The following SCML4 variants were observed in gnomAD, a reference collection of about 807,000 sequenced individuals.
SCML4 encodes sex comb on midleg-like protein 4.
SCML4 carries 34 observed loss-of-function variants against 41.1 expected under a neutral mutation model. That is an observed-to-expected ratio of 0.83 (90% confidence interval 0.63 to 1.10). The LOEUF (loss-of-function observed/expected upper bound fraction) is 1.10, where lower values mean the gene tolerates loss of function less well. SCML4 is among the 50% of genes least tolerant of loss of function. The probability of loss-of-function intolerance (pLI) is 0.00; values close to 1 mark genes in which losing one functional copy is unlikely to be tolerated. For missense variants in SCML4, 522 were observed against 534.1 expected (o/e 0.98, Z 0.22); for synonymous variants, 214 against 220.9 (o/e 0.97, Z 0.28).
intron 6 of SCML4, among the ~76,000 whole-genome samples, chr6:107,714,425 A>T (rs1774545862): frequency 6.6e-6 from 1 of 151,690 alleles, no homozygotes; most frequent in African/African-American, 2.4e-5. Context: ...GCCTTTCCAG[A>T]CTCCGAAGGG....
chr6:107,788,848 T>C (rs1463360123), intron 1 of SCML4, among the ~76,000 whole-genome samples: 1 of 152,186 alleles, frequency 6.6e-6, no homozygotes, highest in Non-Finnish European at 1.5e-5. Flanking sequence ...GAAAGTAAAA[T>C]GTCACCAGGT....
chr6:107,774,269 C>A (rs1331779009), intron 1 of SCML4, among the ~76,000 whole-genome samples: 1 of 151,874 alleles, frequency 6.6e-6, no homozygotes. Flanking sequence ...TCAGGGTGCA[C>A]CCTACAGTGT....
Position 107,751,583 on chromosome 6 carries a change from T to C in SCML4, c.157-1770A>G, listed in dbSNP as rs145841983. ...CTAACATTTTAACAATCTTTCTTTC[T>C]TTCTTTCTTTCTTTCTTTCTTTCTT... On this transcript the variant is annotated intron_variant, in intron 2 of 7. Coordinates refer to ENST00000369020, the MANE Select transcript of SCML4 (RefSeq NM_198081.5). Among the ~76,000 whole-genome samples, 345 of 103,142 alleles carry C rather than the reference T, an allele frequency of 3.3e-3. 3 individuals carry two copies. The East Asian group carries it at 0.045, about 13-fold the overall frequency. The allele number at this position is 103,142 out of a possible 152,430, so 67.7% of individuals were successfully genotyped here. A position where few individuals can be genotyped will look rare whatever the true frequency, so the allele number is the denominator to read the frequency against.
intron 2 of SCML4, among the ~76,000 whole-genome samples, chr6:107,763,649 A>G (rs1779798414): frequency 1.3e-5 from 2 of 152,136 alleles, no homozygotes; most frequent in Admixed American, 6.5e-5. Flanking sequence ...TGCCTCCCAA[A>G]ATGCCGGGGC....
chr6:107,843,972 A>G, the SCML4 span, among the ~76,000 whole-genome samples: 5 of 152,312 alleles, frequency 3.3e-5, 1 homozygote, highest in Middle Eastern at 0.01. Flanking sequence ...CAAAGCAAAA[A>G]CAATGGGGAA....
In SCML4 at chr6:107,784,945, G is replaced by A. The variant is rs561598617; in HGVS notation, c.-59-12559C>T. On this transcript the variant is annotated intron_variant, in intron 1 of 7. Transcript: ENST00000369020. ...TATGGCACATGAGGCATAGTACCAG[G>A]TGCTAGTGGACATGACCCTGGACTT... Among the ~76,000 whole-genome samples the A allele has an allele frequency of 2.2e-4, 33 of 152,280 alleles. 1 individual carries two copies. The South Asian group carries it at 6.8e-3, about 32-fold the overall frequency.
the SCML4 span, among the ~76,000 whole-genome samples, chr6:107,834,139 T>C: frequency 6.6e-6 from 1 of 151,644 alleles, no homozygotes; most frequent in Non-Finnish European, 1.5e-5. Flanking sequence ...CAAGTGGGGG[T>C]TCCCAGAAAG....
At chr6:107,764,055 G>T (rs1264539727) in intron 2 of SCML4, among the ~76,000 whole-genome samples, 2 of 152,190 alleles carry the variant, frequency 1.3e-5, no homozygotes, top group Non-Finnish European at 2.9e-5. Context: ...TGCTCCAGGG[G>T]AACAAAGTTA....
At chr6:107,723,094 A>C (rs572459494) in intron 5 of SCML4, among the ~76,000 whole-genome samples, 1 of 152,364 alleles carries the variant, frequency 6.6e-6, no homozygotes, top group South Asian at 2.1e-4. Flanking sequence ...AATTACTAGA[A>C]TCAGAAATGA....
At chr6:107,842,302 T>C in the SCML4 span, among the ~76,000 whole-genome samples, 1 of 152,228 alleles carries the variant, frequency 6.6e-6, no homozygotes, top group Non-Finnish European at 1.5e-5. Flanking sequence ...TTCCAGTTTT[T>C]AAAGTGTTTT....
chr6:107,734,297 T>A (rs1776842079), intron 5 of SCML4, among the ~76,000 whole-genome samples: 1 of 152,250 alleles, frequency 6.6e-6, no homozygotes, highest in Admixed American at 6.5e-5. Flanking sequence ...TTCTTTTGTT[T>A]GTTTGTTTGA....
At chr6:107,740,040 A>T in intron 5 of SCML4, 1 of 444,812 alleles carries the variant, frequency 2.2e-6, no homozygotes, top group South Asian at 1.7e-5. Flanking sequence ...GTTATGAGCT[A>T]GGAAAGGGCT....
chr6:107,801,408 T>C (rs934725631), intron 1 of SCML4, among the ~76,000 whole-genome samples: 2 of 152,144 alleles, frequency 1.3e-5, no homozygotes, highest in Non-Finnish European at 2.9e-5. Flanking sequence ...GAGACTCCAG[T>C]CCTCCACCCA....
chr6:107,746,931 C>T, intron 3 of SCML4, 42 bp from the exon 4 acceptor site: 1 of 1,545,918 alleles, frequency 6.5e-7, no homozygotes. Flanking sequence ...ATCAGGCGCG[C>T]ATCAGGCCAG....
intron 1 of SCML4, among the ~76,000 whole-genome samples, chr6:107,780,359 C>T (rs1370756817): frequency 4.6e-5 from 7 of 152,160 alleles, no homozygotes; most frequent in African/African-American, 1.7e-4. Context: ...CCAAGACTCA[C>T]ATGTACTCAT....
chr6:107,820,080 G>T (rs982135236), intron 1 of SCML4, among the ~76,000 whole-genome samples: 1 of 152,206 alleles, frequency 6.6e-6, no homozygotes, highest in African/African-American at 2.4e-5. Flanking sequence ...GCTTGCTGCT[G>T]GTCTCCACCC....
At chr6:107,800,535 A>G (rs770822410) in intron 1 of SCML4, among the ~76,000 whole-genome samples, 1 of 152,216 alleles carries the variant, frequency 6.6e-6, no homozygotes, top group Non-Finnish European at 1.5e-5. Context: ...TTATCTACCT[A>G]TTAGCCTTTC....
intron 5 of SCML4, among the ~76,000 whole-genome samples, chr6:107,728,552 T>C (rs1284364063): frequency 6.6e-6 from 1 of 152,138 alleles, no homozygotes; most frequent in East Asian, 1.9e-4. Flanking sequence ...GAGGTTGCAG[T>C]GAGCTGAGGT....
At chr6:107,841,592 C>T in the SCML4 span, among the ~76,000 whole-genome samples, 16 of 152,308 alleles carry the variant, frequency 1.1e-4, no homozygotes, top group Admixed American at 5.9e-4. Flanking sequence ...TTCGTTCCCA[C>T]GTCTGTAAAA....
Sources: allele counts gnomAD v4.1 joint callset (sites outside exome capture counted in the v4.1 genomes callset), GRCh38; gene constraint gnomAD v4.1.1; transcripts MANE v1.5; gene names NCBI Gene and HGNC (gene_info 2026-07-23, HGNC 2026-07-21).